The following TMEM135 variants were observed in gnomAD, a reference collection of about 807,000 sequenced individuals.
TMEM135 encodes the protein transmembrane protein 135.
A neutral mutation model predicts 60.3 loss-of-function variants in TMEM135; 30 were observed. The observed-to-expected ratio is 0.50, with a 90% CI of 0.37 to 0.68. The LOEUF (loss-of-function observed/expected upper bound fraction) is 0.68, where lower values mean the gene tolerates loss of function less well. Among genes scored for constraint, TMEM135 ranks in the 30% least tolerant of loss-of-function variants. The probability of loss-of-function intolerance (pLI) is 0.00; values close to 1 mark genes in which losing one functional copy is unlikely to be tolerated. For missense variants in TMEM135, 468 were observed against 548.8 expected (o/e 0.85, Z 1.47); for synonymous variants, 190 against 186.7 (o/e 1.02, Z -0.14).
At chr11:87,093,170 T>G (rs1239936937) in intron 4 of TMEM135, among the ~76,000 whole-genome samples, 5 of 152,196 alleles carry the variant, frequency 3.3e-5, no homozygotes, top group Non-Finnish European at 4.4e-5. Context: ...TGGTTATCTT[T>G]TCAGATTTGT....
intron 1 of TMEM135, 97 bp from the exon 2 acceptor site, chr11:87,067,597 T>A: frequency 6.6e-7 from 1 of 1,517,360 alleles, no homozygotes; most frequent in Non-Finnish European, 9.0e-7. Flanking sequence ...TTACTTTAAC[T>A]TATAAATATA....
At chr11:87,094,577 G>A (rs1359708669) in intron 4 of TMEM135, among the ~76,000 whole-genome samples, 2 of 152,074 alleles carry the variant, frequency 1.3e-5, no homozygotes, top group African/African-American at 4.8e-5. Context: ...GTGGTGGTAT[G>A]GGCCTGTAGT....
intron 5 of TMEM135, among the ~76,000 whole-genome samples, chr11:87,205,992 A>G (rs909248641): frequency 9.2e-5 from 14 of 152,186 alleles, no homozygotes; most frequent in African/African-American, 2.9e-4. Flanking sequence ...CTTACTAATT[A>G]TAATAAATCT....
intron 5 of TMEM135, among the ~76,000 whole-genome samples, chr11:87,171,458 C>T (rs1398591296): frequency 2.0e-5 from 3 of 151,878 alleles, no homozygotes; most frequent in Admixed American, 2.0e-4. Flanking sequence ...TAGCCAGTGT[C>T]CTATGCTAAG....
intron 5 of TMEM135, among the ~76,000 whole-genome samples, chr11:87,174,175 G>A (rs1222411098): frequency 6.6e-6 from 1 of 152,138 alleles, no homozygotes; most frequent in Non-Finnish European, 1.5e-5. Flanking sequence ...TAGAAATGCA[G>A]ACTAAGGCTT....
intron 5 of TMEM135, among the ~76,000 whole-genome samples, chr11:87,195,385 CCT>C (rs1196075307): frequency 1.2e-4 from 11 of 91,494 alleles, no homozygotes; most frequent in African/African-American, 3.5e-4. Context: ...TTCCTTCCTT[CCT>C]TCCTTCTCTC....
chr11:87,126,613 A>G (rs931201248), intron 4 of TMEM135, among the ~76,000 whole-genome samples: 4 of 147,062 alleles, frequency 2.7e-5, no homozygotes, highest in South Asian at 2.2e-4. Flanking sequence ...TATATATACT[A>G]TATGTACATA....
Position 87,314,488 on chromosome 11 carries a change from T to C in TMEM135, c.1018T>C (p.Ser340Pro). Residue 340 changes from serine (S) to proline (P), a missense_variant, in exon 12 of 15, where the codon TCA (serine) becomes CCA (proline). Ser to Pro is a moderately conservative substitution (Grantham distance 74, BLOSUM62 -1). Transcript: ENST00000305494. ...TGTTTCAGGATTTTTGGCAGGTATA[T>C]CAATGATGTTTTATAAAAGCACAAC... ...AIIAGFLAGISMMFYKSTTIS... is the reference protein window; with the variant it reads ...AIIAGFLAGIPMMFYKSTTIS... 1 of 1,610,524 alleles carries C rather than the reference T, an allele frequency of 6.2e-7. No homozygotes were observed. Among genetic ancestry groups the C allele is most frequent in the Non-Finnish European group, 8.5e-7 (1 of 1,177,546 alleles).
In TMEM135 at chr11:87,322,793, A is replaced by G; in HGVS notation, c.*1460A>G. 2.2e-6 allele frequency: 1 copy of G among 454,400 alleles called. No individual in the cohort carries two copies. The highest frequency in any genetic ancestry group is 4.4e-6 in the Non-Finnish European group (1 of 226,736). 28.1% of individuals were successfully genotyped at this position (454,400 alleles called of 1,614,324 possible). On this transcript the variant is annotated 3_prime_UTR_variant, in exon 15 of 15. Transcript: ENST00000305494. Reference sequence around the variant, plus strand: ...TGGCAAACAGAAACCCAACAAAAAGACAGACTCTGGTACTATGGTAACAGA... The same window carrying G: ...TGGCAAACAGAAACCCAACAAAAAGGCAGACTCTGGTACTATGGTAACAGA...
At chr11:87,106,785 G>T (rs1000258454) in intron 4 of TMEM135, among the ~76,000 whole-genome samples, 2 of 152,140 alleles carry the variant, frequency 1.3e-5, no homozygotes, top group African/African-American at 2.4e-5. Flanking sequence ...CAGTATCAGA[G>T]GCTGGATAAT....
intron 4 of TMEM135, among the ~76,000 whole-genome samples, chr11:87,111,419 G>A (rs1311243427): frequency 6.6e-6 from 1 of 151,844 alleles, no homozygotes; most frequent in East Asian, 1.9e-4. Context: ...AGGCTGAGGC[G>A]GGTGGATCAC....
At chr11:87,088,712 A>G (rs1390762941) in intron 3 of TMEM135, among the ~76,000 whole-genome samples, 1 of 152,166 alleles carries the variant, frequency 6.6e-6, no homozygotes, top group Non-Finnish European at 1.5e-5. Context: ...CACAATCTCC[A>G]AAGATATTAG....
intron 5 of TMEM135, among the ~76,000 whole-genome samples, chr11:87,230,127 C>T (rs1420460498): frequency 3.3e-5 from 5 of 152,046 alleles, no homozygotes; most frequent in Admixed American, 6.6e-5. Context: ...TCCATCACCC[C>T]TTACTCCTCC....
At chr11:87,291,988 G>A (rs187067087) in intron 6 of TMEM135, among the ~76,000 whole-genome samples, 7 of 152,132 alleles carry the variant, frequency 4.6e-5, no homozygotes, top group African/African-American at 7.2e-5. Context: ...ATTTCCTACC[G>A]CTACTTCCCT....
At chr11:87,073,697 T>A (rs11822478) in intron 3 of TMEM135, among the ~76,000 whole-genome samples, 1 of 152,004 alleles carries the variant, frequency 6.6e-6, no homozygotes, top group Admixed American at 6.6e-5. Flanking sequence ...AGACGGAGTC[T>A]CGCTCTGTTG....
intron 10 of TMEM135, 78 bp from the exon 11 acceptor site, chr11:87,313,347 C>G (rs1467128954): frequency 8.4e-7 from 1 of 1,196,320 alleles, no homozygotes; most frequent in African/African-American, 1.5e-5. Context: ...TGAATTTATT[C>G]ATTATAGTTG....
chr11:87,275,884 A>G (rs1941957403), intron 6 of TMEM135, among the ~76,000 whole-genome samples: 1 of 151,156 alleles, frequency 6.6e-6, no homozygotes, highest in African/African-American at 2.4e-5. Flanking sequence ...CTGGTCTTGA[A>G]CTCCTGACCT....
chr11:87,072,537 T>C (rs1856791324), intron 3 of TMEM135, among the ~76,000 whole-genome samples: 1 of 151,924 alleles, frequency 6.6e-6, no homozygotes, highest in Admixed American at 6.6e-5. Context: ...CATGCCACCA[T>C]GCCCGGCTAG....
At chr11:87,077,896 G>C (rs1438085025) in intron 3 of TMEM135, among the ~76,000 whole-genome samples, 1 of 152,154 alleles carries the variant, frequency 6.6e-6, no homozygotes, top group Non-Finnish European at 1.5e-5. Context: ...TGGTTTTGAA[G>C]TTTGATGTCA....
Sources: allele counts gnomAD v4.1 joint callset (sites outside exome capture counted in the v4.1 genomes callset), GRCh38; gene constraint gnomAD v4.1.1; transcripts MANE v1.5; gene names NCBI Gene and HGNC (gene_info 2026-07-23, HGNC 2026-07-21).